The following DNAH7 variants were observed in gnomAD, a reference collection of about 807,000 sequenced individuals.
The protein encoded by DNAH7 is axonemal beta dynein heavy chain 7.
In DNAH7, 397 loss-of-function variants were observed where a neutral mutation model predicts 444.6. The observed-to-expected ratio is 0.89, with a 90% CI of 0.82 to 0.97. The LOEUF (loss-of-function observed/expected upper bound fraction) is 0.97, where lower values mean the gene tolerates loss of function less well. Among genes scored for constraint, DNAH7 ranks in the 50% least tolerant of loss-of-function variants. The pLI is 0.00. For missense variants in DNAH7, 4,902 were observed against 4,800.8 expected (o/e 1.02, Z -0.62); for synonymous variants, 1,636 against 1,624.4 (o/e 1.01, Z -0.17).
Position 195,787,128 on chromosome 2 carries a change from G to A in DNAH7, c.10760C>T (p.Ala3587Val). The A allele has an allele frequency of 6.2e-7, 1 of 1,608,320 alleles. No individual in the cohort carries two copies. Among genetic ancestry groups the A allele is most frequent in the Admixed American group, 1.7e-5 (1 of 57,820 alleles). ...AAATTTCCGTCTTTCTTGTACCAAA[G>A]CATGAAAGAAACACAGGCCATAAAG... Reference protein sequence around the residue: ...KLLYGLCFFHALVQERRKFGP... With the variant: ...KLLYGLCFFHVLVQERRKFGP... The change falls in exon 58 of 65, where the codon GCT becomes GTT. Residue 3587 changes from alanine to valine, a missense_variant. Coordinates refer to ENST00000312428, the MANE Select transcript of DNAH7 (RefSeq NM_018897.3).
At chr2:195,902,917 A>G (rs1414804818) in intron 27 of DNAH7, 1 of 152,172 alleles carries the variant, frequency 6.6e-6, no homozygotes, top group Non-Finnish European at 1.5e-5. Flanking sequence ...ACCAGAAATA[A>G]TTTGTTGGTA....
At chr2:195,937,198 G>T (rs1390712366) in intron 19 of DNAH7, among the ~76,000 whole-genome samples, 1 of 152,060 alleles carries the variant, frequency 6.6e-6, no homozygotes, top group African/African-American at 2.4e-5. Context: ...GAATTTTATT[G>T]TTATGAATAA....
chr2:195,852,275 C>CA (rs1559145491), intron 46 of DNAH7, among the ~76,000 whole-genome samples: 1 of 149,832 alleles, frequency 6.7e-6, no homozygotes, highest in East Asian at 1.9e-4. Flanking sequence ...AACAAACAAA[C>CA]AAAAAAAGAA....
chr2:195,842,190 C>T (rs1010731628), intron 47 of DNAH7, among the ~76,000 whole-genome samples: 4 of 151,956 alleles, frequency 2.6e-5, no homozygotes, highest in African/African-American at 7.2e-5. Flanking sequence ...ATCCTTTACC[C>T]GTGAAATGTT....
At chr2:195,770,800 A>T (rs966680235) in intron 61 of DNAH7, among the ~76,000 whole-genome samples, 15 of 151,542 alleles carry the variant, frequency 9.9e-5, no homozygotes, top group Non-Finnish European at 2.2e-4. Context: ...CTGCAGCCTT[A>T]ACCTCCCAGT....
Position 195,782,488 on chromosome 2 carries a change from T to A in DNAH7, c.10879-4503A>T, listed in dbSNP as rs149961980. Among the ~76,000 whole-genome samples the A allele has an allele frequency of 3.0e-3, 459 of 152,366 alleles. 4 individuals are homozygous for A. The highest frequency in any genetic ancestry group is 5.4e-3 in the Non-Finnish European group (368 of 68,026). ...AAGAAAGTGAAATAGCTCATACTTG[T>A]ACCACATAATTATTTATCATTTTTT... On this transcript the variant is annotated intron_variant, in intron 58 of 64. Coordinates refer to ENST00000312428, the MANE Select transcript of DNAH7 (RefSeq NM_018897.3).
chr2:195,916,770 G>A (rs935188690), intron 24 of DNAH7, among the ~76,000 whole-genome samples: 1 of 150,258 alleles, frequency 6.7e-6, no homozygotes, highest in Admixed American at 6.6e-5. Flanking sequence ...AGGCAGGAGA[G>A]TCATTTGAAG....
In DNAH7 at chr2:195,864,476, C is replaced by A; in HGVS notation, c.7179G>T (p.Gln2393His). The A allele has an allele frequency of 6.2e-7, 1 of 1,614,196 alleles. No individual in the cohort carries two copies. Among genetic ancestry groups the A allele is most frequent in the South Asian group, 1.1e-5 (1 of 91,084 alleles). ...ILRKCAEGEM[Q>H]GVFLFTDTQI... is the part of the protein sequence containing the mutation. Reference sequence around the variant, plus strand: ...GAGTATCTGTAAACAGGAAGACACCCTGCATCTCACCTTCCGCACATTTCC... The same window carrying A: ...GAGTATCTGTAAACAGGAAGACACCATGCATCTCACCTTCCGCACATTTCC... The change falls in exon 41 of 65, where the codon CAG (glutamine) becomes CAT (histidine). Residue 2393 changes from glutamine to histidine, a missense_variant. Coordinates refer to ENST00000312428, the MANE Select transcript of DNAH7 (RefSeq NM_018897.3).
chr2:195,778,297 A>G (rs1213408625), intron 58 of DNAH7, among the ~76,000 whole-genome samples: 1 of 151,988 alleles, frequency 6.6e-6, no homozygotes, highest in African/African-American at 2.4e-5. Flanking sequence ...TCATAATATC[A>G]TCTATGAAAA....
intron 19 of DNAH7, among the ~76,000 whole-genome samples, chr2:195,954,020 C>T (rs1279076070): frequency 1.3e-5 from 2 of 151,816 alleles, no homozygotes; most frequent in Non-Finnish European, 2.9e-5. Context: ...ACAATCGAGT[C>T]TTTTTTTTAA....
chr2:195,965,379 T>C lies in DNAH7; in HGVS notation c.2206-4434A>G, dbSNP rs146915562. ...TTGAATTCAGTTTGCCAGTATTTTG[T>C]TGAGGATTTTTGCCTCAATGTTCAT... On this transcript the variant is annotated intron_variant, in intron 17 of 64. Transcript: ENST00000312428. 2.8e-3 allele frequency among the ~76,000 whole-genome samples: 428 copies of C among 152,356 alleles called. 13 individuals carry two copies. The highest frequency in any genetic ancestry group is 0.021 in the Admixed American group (317 of 15,308).
chr2:195,893,852 T>A (rs1303191893), intron 30 of DNAH7: 1 of 152,184 alleles, frequency 6.6e-6, no homozygotes, highest in African/African-American at 2.4e-5. Context: ...CATCTCCTTC[T>A]ACTCTTTGAG....
intron 10 of DNAH7, among the ~76,000 whole-genome samples, chr2:196,007,661 G>A (rs1694461931): frequency 6.6e-6 from 1 of 152,060 alleles, no homozygotes; most frequent in Admixed American, 6.6e-5. Context: ...TCTTCTTGTG[G>A]TAGTGAATAA....
intron 47 of DNAH7, among the ~76,000 whole-genome samples, chr2:195,838,832 A>C (rs998321517): frequency 6.6e-6 from 1 of 151,994 alleles, no homozygotes; most frequent in Non-Finnish European, 1.5e-5. Flanking sequence ...GAAAACCATC[A>C]AGGATAAAGG....
At chr2:195,980,061 C>CAAAAAAAAAA (rs59664135) in intron 15 of DNAH7, among the ~76,000 whole-genome samples, 16 of 75,046 alleles carry the variant, frequency 2.1e-4, no homozygotes, top group South Asian at 6.5e-4. Flanking sequence ...CAAACTAATA[C>CAAAAAAAAAA]AAAAAAAAAA....
chr2:195,891,232 T>G (rs1701995533), intron 31 of DNAH7, among the ~76,000 whole-genome samples: 1 of 152,204 alleles, frequency 6.6e-6, no homozygotes, highest in Non-Finnish European at 1.5e-5. Flanking sequence ...TGCAAAGGTG[T>G]GCAATTTCTT....
chr2:195,769,604 G>A (rs748835141), intron 61 of DNAH7, among the ~76,000 whole-genome samples: 3 of 151,890 alleles, frequency 2.0e-5, no homozygotes. Flanking sequence ...CTGGGTCTAG[G>A]GGGTAAAGGT....
chr2:195,970,381 CT>C (rs1272714009), intron 16 of DNAH7, among the ~76,000 whole-genome samples: 4 of 152,138 alleles, frequency 2.6e-5, no homozygotes, highest in African/African-American at 9.7e-5. Flanking sequence ...CAATGGTGAT[CT>C]TTAATATGCT....
In DNAH7 at chr2:195,858,537, G is replaced by A; in HGVS notation, c.8004C>T (p.Asp2668=). The part of the protein sequence containing the change: ...SKAIKDECDA[D]LAGALPILES... ...CTAATATTGGCAAGGCACCTGCCAG[G>A]TCAGCATCGCACTCATCTTTGATGG... is the stretch of plus-strand genomic sequence containing the variant. Residue 2668 remains aspartate, a synonymous_variant, in exon 43 of 65, where the codon GAC becomes GAT. Transcript: ENST00000312428. 6.2e-7 allele frequency: 1 copy of A among 1,613,862 alleles called. No homozygotes were observed. The highest frequency in any genetic ancestry group is 2.2e-5 in the East Asian group (1 of 44,880).
Sources: allele counts gnomAD v4.1 joint callset (sites outside exome capture counted in the v4.1 genomes callset), GRCh38; gene constraint gnomAD v4.1.1; transcripts MANE v1.5; gene names NCBI Gene and HGNC (gene_info 2026-07-23, HGNC 2026-07-21).